The following RBMS3 variants were observed in gnomAD, a reference collection of about 807,000 sequenced individuals.
The protein encoded by RBMS3 is RNA-binding motif, single-stranded-interacting protein 3.
Under a neutral mutation model 66.8 loss-of-function variants are expected in RBMS3, and 27 were observed. The ratio of observed to expected loss-of-function variants is 0.40; its 90% CI spans 0.30 to 0.56. The LOEUF (loss-of-function observed/expected upper bound fraction) is 0.56, where lower values mean the gene tolerates loss of function less well. Ranked by LOEUF, RBMS3 falls within the 20% of genes least tolerant of loss-of-function variation. The probability of loss-of-function intolerance (pLI) is 0.40; values close to 1 mark genes in which losing one functional copy is unlikely to be tolerated. For synonymous variants in RBMS3, 188 were observed against 183.0 expected, an observed-to-expected ratio of 1.03 and a Z score of -0.22; for missense variants, 513 against 549.5, an observed-to-expected ratio of 0.93 and a Z score of 0.66.
Position 29,291,545 on chromosome 3 carries a change from C to T in RBMS3, c.75+9789C>T, listed in dbSNP as rs2032812240. On this transcript the variant is annotated intron_variant, in intron 1 of 14. Coordinates refer to ENST00000383767, the MANE Select transcript of RBMS3 (RefSeq NM_001003793.3). ...TACTAGAGACAGAGCTTAAATGTAA[C>T]AGGTGTTTCCCTAGGGCACCCTCTT... is the stretch of plus-strand genomic sequence containing the variant. Among the ~76,000 whole-genome samples the T allele has an allele frequency of 1.3e-5, 2 of 151,772 alleles. 1 individual carries two copies. The highest frequency in any genetic ancestry group is 4.1e-4 in the South Asian group (2 of 4,830).
chr3:29,306,726 C>T (rs1316732088), intron 1 of RBMS3, among the ~76,000 whole-genome samples: 3 of 151,810 alleles, frequency 2.0e-5, no homozygotes, highest in South Asian at 2.1e-4. Flanking sequence ...AGCCTCCCTG[C>T]AGAGGCTCCC....
In RBMS3 at chr3:29,739,840, G is replaced by T; in HGVS notation, c.520G>T (p.Asp174Tyr). ...TGTCATTTCCACAAGAATACTAAGA[G>T]ACGCTAATGGAGTCAGCAGAGGTGT... The part of the protein sequence containing the change: ...GHVISTRILR[D>Y]ANGVSRGVGF... The change falls in exon 5 of 15, where the codon GAC becomes TAC. Residue 174 changes from aspartate to tyrosine, a missense_variant. By Grantham distance (160) the Asp-to-Tyr change is radical. Coordinates refer to ENST00000383767, the MANE Select transcript of RBMS3 (RefSeq NM_001003793.3). The T allele has an allele frequency of 6.2e-7, 1 of 1,611,488 alleles. No homozygotes were observed. Among genetic ancestry groups the T allele is most frequent in the Non-Finnish European group, 8.5e-7 (1 of 1,179,024 alleles).
chr3:29,644,234 C>CA (rs1183084685), intron 4 of RBMS3, among the ~76,000 whole-genome samples: 2 of 151,616 alleles, frequency 1.3e-5, no homozygotes, highest in South Asian at 2.1e-4. Context: ...TGGAACACTC[C>CA]AAAAAAATAA....
At chr3:29,574,828 AACAC>A (rs201818764) in intron 3 of RBMS3, among the ~76,000 whole-genome samples, 6,408 of 146,898 alleles carry the variant, frequency 0.044, 185 homozygotes, top group African/African-American at 0.085. Flanking sequence ...TGCATAAGAA[AACAC>A]ACACACACAC....
intron 14 of RBMS3, among the ~76,000 whole-genome samples, chr3:29,994,112 C>T (rs920753285): frequency 2.0e-5 from 3 of 152,204 alleles, no homozygotes; most frequent in Admixed American, 6.5e-5. Context: ...CATTGCCTCA[C>T]TTGGGAAGCG....
At chr3:29,760,282 C>T (rs1453070180) in intron 5 of RBMS3, among the ~76,000 whole-genome samples, 2 of 149,068 alleles carry the variant, frequency 1.3e-5, no homozygotes, top group Non-Finnish European at 3.0e-5. Flanking sequence ...CACACACACA[C>T]CCCTACACAC....
intron 12 of RBMS3, among the ~76,000 whole-genome samples, chr3:29,978,962 C>A (rs1456649458): frequency 6.6e-6 from 1 of 151,764 alleles, no homozygotes; most frequent in Non-Finnish European, 1.5e-5. Context: ...CCTGTCTCTA[C>A]AAAAATAAAA....
intron 10 of RBMS3, among the ~76,000 whole-genome samples, chr3:29,913,939 A>G (rs2060578091): frequency 6.6e-6 from 1 of 151,962 alleles, no homozygotes; most frequent in South Asian, 2.1e-4. Context: ...TGAGATGCAT[A>G]TATGAAATTT....
chr3:29,563,469 G>T (rs115426533), intron 3 of RBMS3, among the ~76,000 whole-genome samples: 3,579 of 152,218 alleles, frequency 0.024, 59 homozygotes, highest in Non-Finnish European at 0.035. Context: ...ACACTGTAGA[G>T]ATTCAACAGC....
chr3:29,812,621 G>A (rs770187988), intron 6 of RBMS3, among the ~76,000 whole-genome samples: 3 of 152,120 alleles, frequency 2.0e-5, no homozygotes, highest in Non-Finnish European at 4.4e-5. Flanking sequence ...GGAATGGAAG[G>A]CATATTTAAA....
chr3:29,561,643 G>A (rs2046559570), intron 3 of RBMS3, among the ~76,000 whole-genome samples: 1 of 152,084 alleles, frequency 6.6e-6, no homozygotes, highest in Admixed American at 6.6e-5. Context: ...AGTAGAGATG[G>A]GGTTTCACCG....
chr3:29,701,965 G>T (rs997339889), intron 4 of RBMS3, among the ~76,000 whole-genome samples: 1 of 152,212 alleles, frequency 6.6e-6, no homozygotes, highest in Non-Finnish European at 1.5e-5. Context: ...GCCCGCGGCC[G>T]TGGCGCGGGA....
intron 11 of RBMS3, among the ~76,000 whole-genome samples, chr3:29,942,090 G>C (rs995895095): frequency 1.3e-5 from 2 of 151,714 alleles, no homozygotes; most frequent in Non-Finnish European, 2.9e-5. Flanking sequence ...TATTTGACAC[G>C]GTGTTCTTTA....
chr3:29,854,683 C>A (rs1484871443), intron 6 of RBMS3, among the ~76,000 whole-genome samples: 5 of 152,164 alleles, frequency 3.3e-5, no homozygotes, highest in Non-Finnish European at 7.3e-5. Flanking sequence ...CTTTGTATTA[C>A]CTGGCAAATT....
chr3:29,510,316 A>C (rs543642161), intron 3 of RBMS3, among the ~76,000 whole-genome samples: 195 of 152,080 alleles, frequency 1.3e-3, no homozygotes, highest in Non-Finnish European at 2.2e-3. Context: ...TACTCTCCCA[A>C]CGCGCTATAC....
chr3:29,884,255 A>G (rs1192029174), intron 8 of RBMS3, 47 bp downstream of exon 8: 1 of 1,509,900 alleles, frequency 6.6e-7, no homozygotes, highest in South Asian at 1.2e-5. Context: ...TAGATCTTTG[A>G]GCTCTGAATC....
intron 4 of RBMS3, among the ~76,000 whole-genome samples, chr3:29,592,965 A>G (rs1005019008): frequency 6.0e-5 from 8 of 134,034 alleles, no homozygotes; most frequent in African/African-American, 2.2e-4. Context: ...CAATGAGAAC[A>G]CTTGGACACA....
chr3:29,634,968 A>AGTAC (rs1228316957), intron 4 of RBMS3, among the ~76,000 whole-genome samples: 4 of 151,922 alleles, frequency 2.6e-5, no homozygotes, highest in Non-Finnish European at 1.5e-5. Context: ...ATTCTGCAGA[A>AGTAC]GTACTCTAAA....
In RBMS3 at chr3:29,362,410, T is replaced by G. The variant is rs542823260; in HGVS notation, c.76-72333T>G. ...TGCTGTCTGATCATTTCTCTGGAGG[T>G]TTTGTCTCAGAGGAGTACCCGGCCT... On this transcript the variant is annotated intron_variant, in intron 1 of 14. Transcript: ENST00000383767. Among the ~76,000 whole-genome samples, 53 of 152,166 alleles carry G rather than the reference T, an allele frequency of 3.5e-4. 1 individual carries two copies. The highest frequency in any genetic ancestry group is 1.2e-3 in the African/African-American group (50 of 41,524).
Sources: gnomAD v4.1 joint callset for allele counts (sites outside exome capture counted in the v4.1 genomes callset) on GRCh38, gnomAD v4.1.1 for gene constraint, MANE v1.5 for transcripts, NCBI Gene and HGNC (gene_info 2026-07-23, HGNC 2026-07-21) for gene names.